The following GDI2 variants were observed in gnomAD, a reference collection of about 807,000 sequenced individuals.
GDI2 encodes rab GDP dissociation inhibitor beta.
GDI2 carries 22 observed loss-of-function variants against 54.2 expected under a neutral mutation model. The ratio of observed to expected loss-of-function variants is 0.41; its 90% confidence interval spans 0.29 to 0.58. The LOEUF is 0.58. Among genes scored for constraint, GDI2 ranks in the 20% least tolerant of loss-of-function variants. The pLI is 0.35. For missense variants in GDI2, 422 were observed against 546.0 expected (o/e 0.77, Z 2.26); for synonymous variants, 177 against 182.1 (o/e 0.97, Z 0.23).
chr10:5,773,403 A>G (rs757786933), intron 7 of GDI2, among the ~76,000 whole-genome samples: 20 of 152,104 alleles, frequency 1.3e-4, no homozygotes, highest in Non-Finnish European at 2.6e-4. Context: ...ATCACCTAAG[A>G]GGTTTCAAGA....
intron 5 of GDI2, among the ~76,000 whole-genome samples, chr10:5,785,566 G>T (rs938833732): frequency 6.6e-6 from 1 of 152,038 alleles, no homozygotes; most frequent in Non-Finnish European, 1.5e-5. Flanking sequence ...AGTAGAGAGG[G>T]GGTTTCACCA....
intron 1 of GDI2, among the ~76,000 whole-genome samples, chr10:5,804,733 C>T (rs1019578455): frequency 1.3e-5 from 2 of 152,010 alleles, no homozygotes; most frequent in Non-Finnish European, 2.9e-5. Flanking sequence ...TGTTCATGTA[C>T]ATACTGTTTA....
At position 5,796,321 on chromosome 10, in the gene GDI2, C is replaced by CACT. The variant is rs1588983574; in HGVS notation, c.253+441_253+442insAGT. The stretch of plus-strand genomic sequence containing the variant: ...CCAAGATCATGCCACTGCACTCCAG[C>CACT]CTGGGTGACAGAGCGAGACTCCGTC... On this transcript the variant is annotated intron_variant, in intron 3 of 10. Coordinates refer to ENST00000380191, the MANE Select transcript of GDI2 (RefSeq NM_001494.4). 3.3e-5 allele frequency among the ~76,000 whole-genome samples: 5 copies of CACT among 150,372 alleles called. No homozygotes were observed. The East Asian group carries it at 9.8e-4, about 29-fold the overall frequency.
intron 4 of GDI2, among the ~76,000 whole-genome samples, chr10:5,787,524 C>T (rs778985085): frequency 2.0e-5 from 3 of 151,302 alleles, no homozygotes; most frequent in South Asian, 2.1e-4. Flanking sequence ...AAAAAAGAAA[C>T]ATGAGGCTAT....
At chr10:5,780,723 T>C (rs529505167) in intron 6 of GDI2, among the ~76,000 whole-genome samples, 8 of 152,262 alleles carry the variant, frequency 5.3e-5, no homozygotes, top group African/African-American at 1.7e-4. Flanking sequence ...AAAAATGTGA[T>C]AGATCTCTAC....
At chr10:5,811,603 A>G (rs2131727005) in intron 1 of GDI2, among the ~76,000 whole-genome samples, 1 of 151,464 alleles carries the variant, frequency 6.6e-6, no homozygotes, top group East Asian at 1.9e-4. Context: ...CCATTCCAAC[A>G]GGCAAAATCC....
chr10:5,780,853 C>T, intron 6 of GDI2, among the ~76,000 whole-genome samples: 1 of 152,160 alleles, frequency 6.6e-6, no homozygotes, highest in Non-Finnish European at 1.5e-5. Context: ...ACAAATTTAA[C>T]TCAATATCAA....
chr10:5,768,522 G>T lies in GDI2; in HGVS notation c.820-138C>A. ...AGTTCATATTGGTTCCCAAGGGATTGAATTCTGGAACAACCAAAACAATCT... is the reference window on the plus strand; with the variant it reads ...AGTTCATATTGGTTCCCAAGGGATTTAATTCTGGAACAACCAAAACAATCT... On this transcript the variant is annotated intron_variant, in intron 7 of 10. Coordinates refer to ENST00000380191, the MANE Select transcript of GDI2 (RefSeq NM_001494.4). The surrounding 1 kb of genome is among the most constrained non-coding windows in gnomAD (Gnocchi z 4.4). 1 of 617,478 alleles carries T rather than the reference G, an allele frequency of 1.6e-6. No individual in the cohort carries two copies. The highest frequency in any genetic ancestry group is 2.1e-5 in the South Asian group (1 of 48,306). 38.2% of individuals were successfully genotyped at this position (617,478 alleles called of 1,614,324 possible).
At chr10:5,803,664 T>C (rs1048566644) in intron 1 of GDI2, among the ~76,000 whole-genome samples, 11 of 152,030 alleles carry the variant, frequency 7.2e-5, no homozygotes, top group African/African-American at 1.5e-4. Flanking sequence ...CACCAATAAA[T>C]TGACCATCAA....
chr10:5,797,411 G>A (rs1378116549), intron 2 of GDI2, among the ~76,000 whole-genome samples: 1 of 152,056 alleles, frequency 6.6e-6, no homozygotes, highest in East Asian at 1.9e-4. Flanking sequence ...CAGGTATGGT[G>A]GCAGATGCCT....
In GDI2 at chr10:5,765,938, G is replaced by GAT. The variant is rs973000193; in HGVS notation, c.*66_*67dup. The GAT allele has an allele frequency of 3.5e-6, 4 of 1,156,208 alleles. No individual in the cohort carries two copies. Among genetic ancestry groups the GAT allele is most frequent in the Non-Finnish European group, 4.9e-6 (4 of 812,902 alleles). 71.6% of individuals were successfully genotyped at this position (1,156,208 alleles called of 1,614,324 possible). On this transcript the variant is annotated 3_prime_UTR_variant, in exon 11 of 11. Coordinates refer to ENST00000380191, the MANE Select transcript of GDI2 (RefSeq NM_001494.4). ...TTACAAAAGCAGGCCTTACAATATT[G>GAT]ATTTCATTATATGCATTATTTGCCA...
chr10:5,780,263 T>A (rs774920658), intron 6 of GDI2, among the ~76,000 whole-genome samples: 1 of 134,132 alleles, frequency 7.5e-6, no homozygotes, highest in Non-Finnish European at 1.6e-5. Context: ...ACTATAAATA[T>A]AAGTGAACTT....
rs1201508744 is a variant in GDI2, at chr10:5,813,407, C to G, written c.-149G>C. 1 of 534,218 alleles carries G rather than the reference C, an allele frequency of 1.9e-6. No individual in the cohort carries two copies. The highest frequency in any genetic ancestry group is 3.1e-5 in the Admixed American group (1 of 31,988). The allele number at this position is 534,218 out of a possible 1,614,324, so 33.1% of individuals were successfully genotyped here. A position where few individuals can be genotyped will look rare whatever the true frequency, so the allele number is the denominator to read the frequency against. ...GAGCTGGCGACAAGGCGAGACCGACCGCCACCTCAGACGGGAAGAGAAGAA... is the reference window on the plus strand; with the variant it reads ...GAGCTGGCGACAAGGCGAGACCGACGGCCACCTCAGACGGGAAGAGAAGAA... On this transcript the variant is annotated 5_prime_UTR_variant, in exon 1 of 11. Coordinates refer to ENST00000380191, the MANE Select transcript of GDI2 (RefSeq NM_001494.4).
rs1564389262 is a variant in GDI2 at position 5,774,354 on chromosome 10, T to C, written c.720-413A>G. Reference sequence around the variant, plus strand: ...TGAGGTTGCTGCAGACCCGTACGGATTCATCTCAGCACGGTAACATATTTT... The same window carrying C: ...TGAGGTTGCTGCAGACCCGTACGGACTCATCTCAGCACGGTAACATATTTT... On this transcript the variant is annotated intron_variant, in intron 6 of 10. Transcript: ENST00000380191. The surrounding 1 kb of genome is among the most constrained non-coding windows in gnomAD (Gnocchi z 4.8). Among the ~76,000 whole-genome samples, 1 of 152,132 alleles carries C rather than the reference T, an allele frequency of 6.6e-6. No homozygotes were observed. Among genetic ancestry groups the C allele is most frequent in the Non-Finnish European group, 1.5e-5 (1 of 68,020 alleles).
intron 6 of GDI2, among the ~76,000 whole-genome samples, chr10:5,779,599 T>C (rs892008605): frequency 3.3e-5 from 5 of 151,384 alleles, no homozygotes; most frequent in African/African-American, 9.7e-5. Context: ...TAACAGCCTA[T>C]TGAAAATAGC....
chr10:5,794,160 C>A, intron 4 of GDI2, among the ~76,000 whole-genome samples: 1 of 101,664 alleles, frequency 9.8e-6, no homozygotes. Flanking sequence ...GAGCGAGACT[C>A]TGTCTTTAAA....
At chr10:5,799,940 T>C (rs1841230794) in intron 2 of GDI2, among the ~76,000 whole-genome samples, 1 of 152,224 alleles carries the variant, frequency 6.6e-6, no homozygotes, top group Admixed American at 6.5e-5. Context: ...TTTTTATACA[T>C]CGTATTATTC....
At position 5,766,309 on chromosome 10, in the gene GDI2, G is replaced by A; in HGVS notation, c.1137-14C>T. The A allele has an allele frequency of 6.2e-7, 1 of 1,608,554 alleles. No individual in the cohort carries two copies. Among genetic ancestry groups the A allele is most frequent in the Non-Finnish European group, 8.5e-7 (1 of 1,174,938 alleles). On this transcript the variant is annotated splice_polypyrimidine_tract_variant and intron_variant, in intron 9 of 10. Transcript: ENST00000380191. This position sits in a 1 kb window ranked among gnomAD's most constrained non-coding sequence, Gnocchi z 5.8. ...ATGCTAACAAATCTGGAGGGAGAGA[G>A]AATTCAGTCAGGTGAGCTGGTCCCA...
intron 6 of GDI2, among the ~76,000 whole-genome samples, chr10:5,779,665 CAG>C (rs1222036890): frequency 2.0e-5 from 3 of 147,998 alleles, no homozygotes; most frequent in Non-Finnish European, 4.5e-5. Context: ...ATATGAAGCA[CAG>C]AGAGGGGGAA....
Sources: gnomAD v4.1 joint callset for allele counts (sites outside exome capture counted in the v4.1 genomes callset) on GRCh38, gnomAD v4.1.1 for gene constraint, Gnocchi (gnomAD v3.1) non-coding constraint, MANE v1.5 for transcripts, NCBI Gene and HGNC (gene_info 2026-07-23, HGNC 2026-07-21) for gene names.